Variants in SLC14A2 observed in about 807,000 individuals in gnomAD.
The protein encoded by SLC14A2 is urea transporter 2.
In SLC14A2, 91 loss-of-function variants were observed where a neutral mutation model predicts 104.6. The ratio of observed to expected loss-of-function variants is 0.87; its 90% confidence interval spans 0.73 to 1.04. The LOEUF (loss-of-function observed/expected upper bound fraction) is 1.04, where lower values mean the gene tolerates loss of function less well. Ranked by LOEUF, SLC14A2 falls within the 50% of genes least tolerant of loss-of-function variation. The pLI, the probability that SLC14A2 is intolerant of heterozygous loss-of-function variation, is 0.00. For synonymous variants in SLC14A2, 476 were observed against 466.4 expected (o/e 1.02, Z -0.27); for missense variants, 1,189 against 1,156.0 (o/e 1.03, Z -0.41).
At chr18:45,524,182 A>G (rs924156492) in intron 2 of SLC14A2, among the ~76,000 whole-genome samples, 1 of 152,058 alleles carries the variant, frequency 6.6e-6, no homozygotes, top group Non-Finnish European at 1.5e-5. Context: ...CTTATTCTTT[A>G]CTATTCTCAG....
At chr18:45,286,262 C>T (rs897748635) in intron 1 of SLC14A2, among the ~76,000 whole-genome samples, 3 of 152,162 alleles carry the variant, frequency 2.0e-5, no homozygotes, top group African/African-American at 2.4e-5. Flanking sequence ...CATCTTTGTT[C>T]ATATAATCAC....
intron 1 of SLC14A2, among the ~76,000 whole-genome samples, chr18:45,365,757 G>C (rs952686449): frequency 6.6e-6 from 1 of 152,238 alleles, no homozygotes. Context: ...AGAGGCCTGC[G>C]TTCAAATCAC....
intron 1 of SLC14A2, among the ~76,000 whole-genome samples, chr18:45,260,971 T>C (rs2084529945): frequency 6.6e-6 from 1 of 152,156 alleles, no homozygotes; most frequent in African/African-American, 2.4e-5. Flanking sequence ...AACCTGCACG[T>C]GTACCCTCTG....
At chr18:45,219,565 T>C (rs2084042243) in intron 1 of SLC14A2, among the ~76,000 whole-genome samples, 1 of 152,172 alleles carries the variant, frequency 6.6e-6, no homozygotes, top group Admixed American at 6.5e-5. Flanking sequence ...TATATGAGAC[T>C]CATGGAGAAA....
intron 2 of SLC14A2, among the ~76,000 whole-genome samples, chr18:45,575,787 T>C (rs980956687): frequency 7.1e-6 from 1 of 141,476 alleles, no homozygotes; most frequent in East Asian, 2.0e-4. Flanking sequence ...GTTTGTCTTG[T>C]TCTTTTTTTT....
intron 2 of SLC14A2, among the ~76,000 whole-genome samples, chr18:45,557,956 G>A (rs2044153916): frequency 6.6e-6 from 1 of 152,096 alleles, no homozygotes; most frequent in African/African-American, 2.4e-5. Flanking sequence ...ATTTCCATAA[G>A]TGACACACCC....
chr18:45,223,057 A>G (rs2084078669), intron 1 of SLC14A2, among the ~76,000 whole-genome samples: 1 of 152,192 alleles, frequency 6.6e-6, no homozygotes, highest in Non-Finnish European at 1.5e-5. Flanking sequence ...CAACAGAACT[A>G]TATGCCACGT....
chr18:45,645,529 C>G (rs2045603758), intron 10 of SLC14A2, among the ~76,000 whole-genome samples: 1 of 133,574 alleles, frequency 7.5e-6, no homozygotes, highest in Admixed American at 7.8e-5. Context: ...AATAGGTAGC[C>G]CTGACTATAG....
At chr18:45,407,624 T>C (rs967924067) in intron 1 of SLC14A2, among the ~76,000 whole-genome samples, 3 of 152,184 alleles carry the variant, frequency 2.0e-5, no homozygotes, top group African/African-American at 7.2e-5. Context: ...AAAAACTTAA[T>C]CATGTCTAGC....
intron 1 of SLC14A2, among the ~76,000 whole-genome samples, chr18:45,255,410 G>T (rs2084466597): frequency 6.6e-6 from 1 of 152,204 alleles, no homozygotes; most frequent in Non-Finnish European, 1.5e-5. Context: ...GCCAAAAAGG[G>T]AGAGCGCATT....
intron 10 of SLC14A2, among the ~76,000 whole-genome samples, chr18:45,658,401 T>G (rs771930079): frequency 6.6e-6 from 1 of 152,056 alleles, no homozygotes; most frequent in African/African-American, 2.4e-5. Context: ...ACCAATATAG[T>G]GAAACCTTGT....
At chr18:45,561,251 C>G (rs990546282) in intron 2 of SLC14A2, among the ~76,000 whole-genome samples, 1 of 152,042 alleles carries the variant, frequency 6.6e-6, no homozygotes, top group African/African-American at 2.4e-5. Flanking sequence ...ACGTGCCTGT[C>G]GGGGAGCCAG....
At chr18:45,484,432 A>G (rs1030704731) in intron 2 of SLC14A2, among the ~76,000 whole-genome samples, 1 of 152,242 alleles carries the variant, frequency 6.6e-6, no homozygotes, top group African/African-American at 2.4e-5. Context: ...TCATAGCATT[A>G]GAACCTTCTT....
At position 45,408,234 on chromosome 18, in the gene SLC14A2, C is replaced by A. The variant is rs552183226; in HGVS notation, c.-124-74999C>A. Among the ~76,000 whole-genome samples the A allele has an allele frequency of 1.1e-4, 16 of 152,262 alleles. No individual in the cohort carries two copies. The East Asian group carries it at 2.3e-3, about 22-fold the overall frequency. On this transcript the variant is annotated intron_variant, in intron 1 of 20. Transcript: ENST00000586448. Reference sequence around the variant, plus strand: ...AGCTGGCATATGTTTTCAGTAACCACCACTGAGATCATTTTTCTCTCTCTC... The same window carrying A: ...AGCTGGCATATGTTTTCAGTAACCAACACTGAGATCATTTTTCTCTCTCTC...
intron 1 of SLC14A2, among the ~76,000 whole-genome samples, chr18:45,412,408 T>C (rs1230071643): frequency 6.6e-6 from 1 of 152,154 alleles, no homozygotes; most frequent in Non-Finnish European, 1.5e-5. Context: ...AAGTTTCAGG[T>C]CTTCTAACTT....
At position 45,483,899 on chromosome 18, in the gene SLC14A2, A is replaced by T. The variant is rs1372025576; in HGVS notation, c.-35+577A>T. 2.6e-5 allele frequency among the ~76,000 whole-genome samples: 4 copies of T among 152,330 alleles called. No individual in the cohort carries two copies. The East Asian group carries it at 7.7e-4, about 29-fold the overall frequency. The stretch of plus-strand genomic sequence containing the variant: ...ATATTAAGCACAAAGAAAGCTGCTC[A>T]AGATGGATGCGCTGGCATCAGTGGG... On this transcript the variant is annotated intron_variant, in intron 2 of 20. Coordinates refer to the SLC14A2 transcript ENST00000586448.
At chr18:45,659,765 C>T (rs923377904) in intron 10 of SLC14A2, among the ~76,000 whole-genome samples, 6 of 152,264 alleles carry the variant, frequency 3.9e-5, no homozygotes, top group Admixed American at 3.3e-4. Context: ...TACTAAGATA[C>T]ATTATTTTAC....
chr18:45,224,196 A>G (rs1312199463), intron 1 of SLC14A2, among the ~76,000 whole-genome samples: 1 of 152,246 alleles, frequency 6.6e-6, no homozygotes, highest in African/African-American at 2.4e-5. Context: ...GCCCACTGCC[A>G]TGGCAGCAGC....
intron 1 of SLC14A2, among the ~76,000 whole-genome samples, chr18:45,378,802 G>T (rs992253836): frequency 6.6e-6 from 1 of 151,980 alleles, no homozygotes; most frequent in Non-Finnish European, 1.5e-5. Flanking sequence ...TTTAGGACTG[G>T]GTTTTGCCAT....
Sources: allele counts gnomAD v4.1 joint callset (sites outside exome capture counted in the v4.1 genomes callset), GRCh38; gene constraint gnomAD v4.1.1; transcripts MANE v1.5; gene names NCBI Gene and HGNC (gene_info 2026-07-23, HGNC 2026-07-21).